UGT2A1: variants seen among roughly 807,000 people sequenced by gnomAD.
UGT2A1 encodes UDP glucuronosyltransferase family 2 member A1 complex locus, also known as UDP-glucuronosyltransferase 2A1.
A neutral mutation model predicts 45.4 loss-of-function variants in UGT2A1; 61 were observed. The ratio of observed to expected loss-of-function variants is 1.34; its 90% CI spans 1.09 to 1.66. UGT2A1 has a LOEUF of 1.66. Ranked by LOEUF, UGT2A1 falls within the 40% of genes most tolerant of loss-of-function variation. The pLI is 0.00. For synonymous variants in UGT2A1, 229 were observed against 196.2 expected, an observed-to-expected ratio of 1.17 and a Z score of -1.40; for missense variants, 649 against 574.3, an observed-to-expected ratio of 1.13 and a Z score of -1.33.
At chr4:69,599,075 T>C (rs145308759) in intron 4 of UGT2A1, among the ~76,000 whole-genome samples, 171 bp downstream of exon 4, 52 of 152,266 alleles carry the variant, frequency 3.4e-4, no homozygotes, top group African/African-American at 1.2e-3. Context: ...AATGTAAAGT[T>C]CAAAACACCT....
intron 3 of UGT2A1, among the ~76,000 whole-genome samples, chr4:69,600,426 C>G (rs1719211519): frequency 6.6e-6 from 1 of 152,130 alleles, no homozygotes; most frequent in Non-Finnish European, 1.5e-5. Flanking sequence ...CTGAGAATCA[C>G]AGTACAATTT....
chr4:69,652,221 C>T (rs1377762934), intron 1 of UGT2A1, among the ~76,000 whole-genome samples: 1 of 151,452 alleles, frequency 6.6e-6, no homozygotes, highest in Non-Finnish European at 1.5e-5. Context: ...GCATGGCATT[C>T]ACATTAACAC....
intron 3 of UGT2A1, among the ~76,000 whole-genome samples, chr4:69,628,672 C>T (rs1387835591): frequency 6.8e-6 from 1 of 146,716 alleles, no homozygotes; most frequent in Non-Finnish European, 1.5e-5. Flanking sequence ...TTAACATAAG[C>T]TTAAATGGGA....
At chr4:69,599,159 T>G (rs1234954451) in intron 4 of UGT2A1, 87 bp downstream of exon 4, 2 of 1,457,160 alleles carry the variant, frequency 1.4e-6, no homozygotes, top group Non-Finnish European at 1.8e-6. Flanking sequence ...CCAGCAGCAT[T>G]TATTTGTTAT....
At position 69,589,202 on chromosome 4, in the gene UGT2A1, C is replaced by G. The variant is rs1245564941; in HGVS notation, c.*170G>C. The G allele has an allele frequency of 7.0e-6, 6 of 853,112 alleles. No individual in the cohort carries two copies. The highest frequency in any genetic ancestry group is 9.9e-6 in the Non-Finnish European group (6 of 608,704). The allele number at this position is 853,112 out of a possible 1,614,324, so 52.8% of individuals were successfully genotyped here. A position where few individuals can be genotyped will look rare whatever the true frequency, so the allele number is the denominator to read the frequency against. On this transcript the variant is annotated 3_prime_UTR_variant, in exon 7 of 7. Transcript: ENST00000286604. ...AACTCACAAGTTAATAATAATCATG[C>G]CAAAATCTAGGCTTTATCAGTAGGC... is the stretch of plus-strand genomic sequence containing the variant.
intron 6 of UGT2A1, among the ~76,000 whole-genome samples, chr4:69,590,579 C>A (rs778859708): frequency 1.3e-4 from 20 of 151,794 alleles, no homozygotes; most frequent in Non-Finnish European, 2.4e-4. Context: ...ACATGGTCAT[C>A]ATTTACAAGA....
chr4:69,629,643 G>A (rs1479387204), intron 3 of UGT2A1, among the ~76,000 whole-genome samples: 2 of 151,934 alleles, frequency 1.3e-5, no homozygotes, highest in Admixed American at 6.6e-5. Flanking sequence ...ACTGCATCCC[G>A]TCACCACATA....
At chr4:69,633,254 C>T (rs575665664) in intron 3 of UGT2A1, among the ~76,000 whole-genome samples, 2 of 151,998 alleles carry the variant, frequency 1.3e-5, no homozygotes, top group East Asian at 3.9e-4. Flanking sequence ...AAAATTATAC[C>T]TTAATAAAAA....
rs1444724886 is a variant in UGT2A1 at position 69,612,326 on chromosome 4, C to T, written c.848-12932G>A. On this transcript the variant is annotated intron_variant, in intron 3 of 6. Coordinates refer to ENST00000286604, the MANE Select transcript of UGT2A1 (RefSeq NM_001252275.3). Reference sequence around the variant, plus strand: ...CAGTATCGTTAAAATGGCCAAATTGCCCAAAGTAATTTACACATTCAATGA... The same window carrying T: ...CAGTATCGTTAAAATGGCCAAATTGTCCAAAGTAATTTACACATTCAATGA... 4.6e-5 allele frequency among the ~76,000 whole-genome samples: 7 copies of T among 152,052 alleles called. No individual in the cohort carries two copies. The Middle Eastern group carries it at 0.014, about 296-fold the overall frequency.
intron 2 of UGT2A1, among the ~76,000 whole-genome samples, chr4:69,646,408 G>C (rs1722260641): frequency 6.6e-6 from 1 of 151,772 alleles, no homozygotes; most frequent in African/African-American, 2.4e-5. Context: ...AAATCACCCT[G>C]ATCAATGGTT....
chr4:69,625,628 T>C (rs1721011104), intron 3 of UGT2A1, among the ~76,000 whole-genome samples: 1 of 151,438 alleles, frequency 6.6e-6, no homozygotes, highest in Non-Finnish European at 1.5e-5. Context: ...ATTTTATTTT[T>C]CTCATTATAT....
chr4:69,616,680 C>T (rs994536835), intron 3 of UGT2A1, among the ~76,000 whole-genome samples: 6 of 151,830 alleles, frequency 4.0e-5, no homozygotes, highest in African/African-American at 1.2e-4. Flanking sequence ...ATAATTTTAT[C>T]TTCTAACTAG....
chr4:69,608,635 T>C (rs181168826), intron 3 of UGT2A1, among the ~76,000 whole-genome samples: 2 of 151,154 alleles, frequency 1.3e-5, no homozygotes, highest in Non-Finnish European at 3.0e-5. Context: ...AGGGAAAAAA[T>C]GAAAAAAATG....
intron 3 of UGT2A1, among the ~76,000 whole-genome samples, chr4:69,606,802 C>T (rs1170930155): frequency 7.3e-6 from 1 of 136,306 alleles, no homozygotes; most frequent in Non-Finnish European, 1.6e-5. Context: ...AGCCAAATCA[C>T]GAGTGAGCTC....
chr4:69,614,833 G>A (rs1046069921), intron 3 of UGT2A1, among the ~76,000 whole-genome samples: 2 of 152,044 alleles, frequency 1.3e-5, no homozygotes, highest in African/African-American at 4.8e-5. Flanking sequence ...TGACACTGTA[G>A]TTTATAAAGA....
chr4:69,598,469 A>T (rs1719065230), intron 4 of UGT2A1, among the ~76,000 whole-genome samples: 1 of 152,098 alleles, frequency 6.6e-6, no homozygotes, highest in African/African-American at 2.4e-5. Flanking sequence ...ATTGTAGCAT[A>T]CAATTTCCTT....
chr4:69,600,800 C>A (rs1469223897), intron 3 of UGT2A1, among the ~76,000 whole-genome samples: 1 of 134,154 alleles, frequency 7.5e-6, no homozygotes, highest in Non-Finnish European at 1.6e-5. Flanking sequence ...GGCAAAGGTG[C>A]TATACACTTA....
In UGT2A1 at chr4:69,647,435, T is replaced by C. The variant is rs560612537; in HGVS notation, c.210A>G (p.Thr70=). The change falls in exon 2 of 7, where the codon ACA becomes ACG. Residue 70 remains threonine (T), a synonymous_variant. Transcript: ENST00000286604. The stretch of plus-strand genomic sequence containing the variant: ...CAAAGGGCACCTTATATATTTCAAA[T>C]GTCAGAGATGGGTTAGAGGTTGGTG... ...FITPTSNPSL[T]FEIYKVPFGK... The C allele has an allele frequency of 3.1e-6, 5 of 1,612,898 alleles. No homozygotes were observed. In the Admixed American group the frequency reaches 6.7e-5, roughly 22 times the overall value.
chr4:69,590,635 T>TTGTG (rs1285089093), intron 6 of UGT2A1, among the ~76,000 whole-genome samples: 1 of 107,896 alleles, frequency 9.3e-6, no homozygotes, highest in Non-Finnish European at 2.0e-5. Context: ...TTTACATGTG[T>TTGTG]TGAGTGTGTG....
Sources: allele counts gnomAD v4.1 joint callset (sites outside exome capture counted in the v4.1 genomes callset), GRCh38; gene constraint gnomAD v4.1.1; transcripts MANE v1.5; gene names NCBI Gene and HGNC (gene_info 2026-07-23, HGNC 2026-07-21).